The following DAAM1 variants were observed in gnomAD, a reference collection of about 807,000 sequenced individuals.
DAAM1 encodes the protein dishevelled associated activator of morphogenesis 1.
Under a neutral mutation model 130.0 loss-of-function variants are expected in DAAM1, and 52 were observed. That is an observed-to-expected ratio of 0.40 (90% CI 0.32 to 0.50). The LOEUF (loss-of-function observed/expected upper bound fraction) is 0.50, where lower values mean the gene tolerates loss of function less well. DAAM1 is among the 20% of genes least tolerant of loss of function. The pLI, the probability that DAAM1 is intolerant of heterozygous loss-of-function variation, is 0.61. For missense variants in DAAM1, 1,134 were observed against 1,303.8 expected, an observed-to-expected ratio of 0.87 and a Z score of 2.01; for synonymous variants, 452 against 444.5, an observed-to-expected ratio of 1.02 and a Z score of -0.21.
rs113701719 is a variant in DAAM1, at chr14:59,212,991, A to G, written c.-38+24223A>G. Among the ~76,000 whole-genome samples, 40 of 152,314 alleles carry G rather than the reference A, an allele frequency of 2.6e-4. 1 individual carries two copies. The highest frequency in any genetic ancestry group is 9.1e-4 in the African/African-American group (38 of 41,558). ...ATATGTATCAGACATTCACATGCTT[A>G]TGAATGAAGGACCCCTTGTAATACT... On this transcript the variant is annotated intron_variant, in intron 1 of 24. Transcript: ENST00000360909.
intron 20 of DAAM1, chr14:59,359,169 A>T (rs932069272): frequency 8.7e-5 from 31 of 355,138 alleles, no homozygotes; most frequent in African/African-American, 6.2e-4. Context: ...GCTTTTTGAC[A>T]TATATCTATG....
At chr14:59,257,075 A>G (rs553491830) in intron 1 of DAAM1, among the ~76,000 whole-genome samples, 1 of 152,308 alleles carries the variant, frequency 6.6e-6, no homozygotes, top group East Asian at 1.9e-4. Flanking sequence ...AAATATCCCA[A>G]GGATGGAATT....
intron 2 of DAAM1, among the ~76,000 whole-genome samples, chr14:59,284,901 C>T (rs75531243): frequency 2.1e-3 from 313 of 152,168 alleles, no homozygotes; most frequent in African/African-American, 7.3e-3. Context: ...ATGTAGTCAA[C>T]GAAAATTTCC....
intron 1 of DAAM1, among the ~76,000 whole-genome samples, chr14:59,192,350 A>C (rs1285333031): frequency 6.6e-6 from 1 of 152,174 alleles, no homozygotes; most frequent in Non-Finnish European, 1.5e-5. Context: ...TCTTGTGTGA[A>C]AACACTTTAA....
intron 22 of DAAM1, chr14:59,362,521 C>CTAAAG (rs1005134133): frequency 2.0e-5 from 3 of 152,148 alleles, no homozygotes; most frequent in Admixed American, 6.5e-5. Flanking sequence ...ACTTTCCAAG[C>CTAAAG]TAAAGTACTG....
intron 2 of DAAM1, among the ~76,000 whole-genome samples, chr14:59,278,721 T>G (rs1040929409): frequency 6.6e-6 from 1 of 152,162 alleles, no homozygotes; most frequent in Non-Finnish European, 1.5e-5. Context: ...CTAAATGGAA[T>G]ACACACTAAT....
intron 1 of DAAM1, among the ~76,000 whole-genome samples, chr14:59,256,725 G>T (rs1254043158): frequency 6.6e-6 from 1 of 152,168 alleles, no homozygotes; most frequent in African/African-American, 2.4e-5. Flanking sequence ...CAGAAGCTAT[G>T]CATTCCTTCT....
chr14:59,239,421 G>C (rs1037055229), intron 1 of DAAM1, among the ~76,000 whole-genome samples: 2 of 152,098 alleles, frequency 1.3e-5, no homozygotes, highest in South Asian at 4.1e-4. Context: ...AAAGAGAGAG[G>C]TGTAGCTAGT....
At chr14:59,226,140 C>T (rs189780662) in intron 1 of DAAM1, among the ~76,000 whole-genome samples, 2 of 152,078 alleles carry the variant, frequency 1.3e-5, no homozygotes, top group Admixed American at 6.5e-5. Flanking sequence ...GGATACTTTT[C>T]ACTGGAATGC....
At chr14:59,366,996 CAAAA>C (rs141317491) in intron 23 of DAAM1, among the ~76,000 whole-genome samples, 2 of 145,378 alleles carry the variant, frequency 1.4e-5, no homozygotes, top group African/African-American at 2.5e-5. Flanking sequence ...AACAAAACAA[CAAAA>C]AAAAACTGCC....
At position 59,326,602 on chromosome 14, in the gene DAAM1, G is replaced by C; in HGVS notation, c.1267G>C (p.Asp423His). The part of the protein sequence containing the change: ...VIQNDKGQDP[D>H]STPLENFNIK... The stretch of plus-strand genomic sequence containing the variant: ...CCAGAATGACAAAGGACAGGACCCT[G>C]ACTCCACACCTTTGGAAAACTTTAA... Residue 423 changes from aspartate (D) to histidine (H), a missense_variant, in exon 11 of 25, where the codon GAC becomes CAC. Transcript: ENST00000360909. 1 of 1,613,902 alleles carries C rather than the reference G, an allele frequency of 6.2e-7. No homozygotes were observed. The highest frequency in any genetic ancestry group is 8.5e-7 in the Non-Finnish European group (1 of 1,179,918).
At chr14:59,345,385 C>A (rs1294544427) in intron 16 of DAAM1, among the ~76,000 whole-genome samples, 2 of 152,082 alleles carry the variant, frequency 1.3e-5, no homozygotes, top group Admixed American at 1.3e-4. Flanking sequence ...ATAGAACGGG[C>A]CTTATTTGTC....
At chr14:59,192,150 G>GTT (rs1887751431) in intron 1 of DAAM1, among the ~76,000 whole-genome samples, 1 of 5,930 alleles carries the variant, frequency 1.7e-4, no homozygotes, top group South Asian at 3.3e-3. Flanking sequence ...TTGTTAAGGG[G>GTT]TGTGTGTGTG....
chr14:59,249,422 G>T (rs979804930), intron 1 of DAAM1, among the ~76,000 whole-genome samples: 5 of 152,156 alleles, frequency 3.3e-5, no homozygotes, highest in Non-Finnish European at 5.9e-5. Flanking sequence ...CAGATACCAC[G>T]AAACTGCTAA....
chr14:59,255,149 A>C (rs1881820242), intron 1 of DAAM1, among the ~76,000 whole-genome samples: 2 of 152,180 alleles, frequency 1.3e-5, no homozygotes, highest in African/African-American at 4.8e-5. Flanking sequence ...CTCTTGCCTC[A>C]GAAAAGTTAC....
intron 16 of DAAM1, among the ~76,000 whole-genome samples, chr14:59,346,200 A>G (rs960744295): frequency 2.0e-5 from 3 of 149,712 alleles, no homozygotes; most frequent in Non-Finnish European, 4.4e-5. Context: ...TGTTTTACAG[A>G]TGAGGAAAGT....
chr14:59,238,806 C>A (rs1053666904), intron 1 of DAAM1, among the ~76,000 whole-genome samples: 11 of 152,002 alleles, frequency 7.2e-5, no homozygotes, highest in African/African-American at 2.7e-4. Context: ...ACATATTGTT[C>A]TTAAAACCAT....
At chr14:59,201,767 T>G (rs974353999) in intron 1 of DAAM1, among the ~76,000 whole-genome samples, 19 of 150,990 alleles carry the variant, frequency 1.3e-4, no homozygotes, top group African/African-American at 4.2e-4. Flanking sequence ...CTACTCCAGC[T>G]TGGGCAACAG....
In DAAM1 at chr14:59,369,249, AC is replaced by A. The variant is rs1264181007; in HGVS notation, c.*391del. On this transcript the variant is annotated 3_prime_UTR_variant, in exon 25 of 25. Coordinates refer to ENST00000360909, the MANE Select transcript of DAAM1 (RefSeq NM_001270520.2). ...CAAAACAGAAGAAACAAACAAACAA[AC>A]AAAAAAAGCTTGCAAAATATTTTAT... 2.7e-4 allele frequency: 41 copies of A among 149,400 alleles called. No individual in the cohort carries two copies. The highest frequency in any genetic ancestry group is 3.4e-3 in the Middle Eastern group (1 of 292). The allele number at this position is 149,400 out of a possible 1,614,324, so 9.3% of individuals were successfully genotyped here. A position where few individuals can be genotyped will look rare whatever the true frequency, so the allele number is the denominator to read the frequency against.
Sources: allele counts gnomAD v4.1 joint callset (sites outside exome capture counted in the v4.1 genomes callset), GRCh38; gene constraint gnomAD v4.1.1; transcripts MANE v1.5; gene names NCBI Gene and HGNC (gene_info 2026-07-23, HGNC 2026-07-21).